Variants in PTPRM observed in about 807,000 individuals in gnomAD.
PTPRM encodes the protein protein tyrosine phosphatase receptor type M.
PTPRM carries 47 observed loss-of-function variants against 186.7 expected under a neutral mutation model. The ratio of observed to expected loss-of-function variants is 0.25; its 90% CI spans 0.20 to 0.32. The LOEUF (loss-of-function observed/expected upper bound fraction) is 0.32, where lower values mean the gene tolerates loss of function less well. Among genes scored for constraint, PTPRM ranks in the 10% least tolerant of loss-of-function variants. The probability of loss-of-function intolerance (pLI) is 1.00; values close to 1 mark genes in which losing one functional copy is unlikely to be tolerated. For missense variants in PTPRM, 1,494 were observed against 1,865.0 expected, an observed-to-expected ratio of 0.80 and a Z score of 3.66; for synonymous variants, 668 against 674.9, an observed-to-expected ratio of 0.99 and a Z score of 0.16.
rs7233324 is a variant in PTPRM at position 8,255,703 on chromosome 18, T to C, written c.2754+2289T>C. On this transcript the variant is annotated intron_variant, in intron 19 of 32. Transcript: ENST00000580170. The stretch of plus-strand genomic sequence containing the variant: ...ATCAGGAACAAATAGGAAGGAGATG[T>C]TGGGAGAAGTATGAAATGGGCAGTT... Among the ~76,000 whole-genome samples the C allele has an allele frequency of 8.5e-3, 1,288 of 152,164 alleles. 9 individuals carry two copies. Among genetic ancestry groups the C allele is most frequent in the Non-Finnish European group, 0.014 (952 of 67,998 alleles).
At chr18:7,925,621 T>C (rs988029930) in intron 4 of PTPRM, among the ~76,000 whole-genome samples, 2 of 152,120 alleles carry the variant, frequency 1.3e-5, no homozygotes, top group African/African-American at 4.8e-5. Context: ...ATTCTGGTTA[T>C]TATCCAGATT....
At chr18:8,173,858 C>T (rs755063209) in intron 14 of PTPRM, among the ~76,000 whole-genome samples, 1 of 152,174 alleles carries the variant, frequency 6.6e-6, no homozygotes, top group African/African-American at 2.4e-5. Flanking sequence ...CACTTGAGGT[C>T]AGGAGTTCAA....
chr18:7,916,353 T>C (rs1471009439), intron 4 of PTPRM, among the ~76,000 whole-genome samples: 1 of 152,272 alleles, frequency 6.6e-6, no homozygotes, highest in Non-Finnish European at 1.5e-5. Flanking sequence ...CATTATTTTT[T>C]TAACTCTTAT....
At chr18:7,773,407 T>C (rs1429275061) in intron 1 of PTPRM, among the ~76,000 whole-genome samples, 1 of 152,176 alleles carries the variant, frequency 6.6e-6, no homozygotes, top group African/African-American at 2.4e-5. Context: ...TTTCATTTTT[T>C]GGACAAATTA....
intron 1 of PTPRM, among the ~76,000 whole-genome samples, chr18:7,637,291 T>TA (rs1344715103): frequency 6.6e-6 from 1 of 151,892 alleles, no homozygotes; most frequent in Non-Finnish European, 1.5e-5. Context: ...GACATCACAA[T>TA]AAAATTTTGT....
chr18:8,111,530 G>T lies in PTPRM; in HGVS notation c.1857-1956G>T, dbSNP rs187344069. 2.8e-4 allele frequency among the ~76,000 whole-genome samples: 42 copies of T among 152,062 alleles called. 1 individual carries two copies. The East Asian group carries it at 8.0e-3, about 29-fold the overall frequency. ...TGGGAGGCTGGGGTGGGAGAATGGC[G>T]TGAACCCAGGAGGCAGAGCTTGCAG... is the stretch of plus-strand genomic sequence containing the variant. On this transcript the variant is annotated intron_variant, in intron 11 of 32. Coordinates refer to ENST00000580170, the MANE Select transcript of PTPRM (RefSeq NM_001105244.2).
chr18:7,998,506 GAC>G (rs2083675280), intron 7 of PTPRM, among the ~76,000 whole-genome samples: 1 of 152,022 alleles, frequency 6.6e-6, no homozygotes. Flanking sequence ...ATTAAAACAT[GAC>G]ACTATTAAAA....
chr18:8,121,501 G>T (rs1006865217), intron 13 of PTPRM, among the ~76,000 whole-genome samples: 1 of 152,112 alleles, frequency 6.6e-6, no homozygotes, highest in Non-Finnish European at 1.5e-5. Context: ...CTGCTGAGCT[G>T]TGCAGGCAAA....
rs529628416 is a variant in PTPRM, at chr18:7,900,834, C to A, written c.469-5671C>A. The stretch of plus-strand genomic sequence containing the variant: ...AGGATACCTGGGACATGGAAGTATA[C>A]AAATAAATAGTTTTTTTTGAATTAC... On this transcript the variant is annotated intron_variant, in intron 3 of 32. Coordinates refer to ENST00000580170, the MANE Select transcript of PTPRM (RefSeq NM_001105244.2). Among the ~76,000 whole-genome samples, 421 of 152,162 alleles carry A rather than the reference C, an allele frequency of 2.8e-3. 4 individuals carry two copies. The highest frequency in any genetic ancestry group is 9.6e-3 in the African/African-American group (400 of 41,540).
chr18:7,926,258 A>C (rs1599549378), intron 4 of PTPRM, among the ~76,000 whole-genome samples: 1 of 152,206 alleles, frequency 6.6e-6, no homozygotes, highest in East Asian at 1.9e-4. Context: ...TTATTAATAC[A>C]GATCTGTTAT....
chr18:7,715,213 C>A (rs959539277), intron 1 of PTPRM, among the ~76,000 whole-genome samples: 1 of 152,184 alleles, frequency 6.6e-6, no homozygotes, highest in African/African-American at 2.4e-5. Flanking sequence ...ATACACGAAT[C>A]AATAAACGTA....
chr18:8,163,777 T>C (rs1007834888), intron 14 of PTPRM, among the ~76,000 whole-genome samples: 26 of 152,336 alleles, frequency 1.7e-4, no homozygotes, highest in Admixed American at 1.0e-3. Context: ...ACATGCTCCA[T>C]TGATTTTCAA....
intron 7 of PTPRM, among the ~76,000 whole-genome samples, chr18:8,002,327 G>A (rs932531653): frequency 2.6e-5 from 4 of 152,210 alleles, no homozygotes; most frequent in Admixed American, 6.5e-5. Context: ...AAGACATTTG[G>A]GTAGTAGAGC....
intron 3 of PTPRM, among the ~76,000 whole-genome samples, chr18:7,894,132 G>A (rs969157972): frequency 6.6e-6 from 1 of 152,134 alleles, no homozygotes; most frequent in African/African-American, 2.4e-5. Context: ...CCGAGGAGAT[G>A]CCTGTTGTAG....
At chr18:7,691,740 C>A (rs1165057761) in intron 1 of PTPRM, among the ~76,000 whole-genome samples, 5 of 152,022 alleles carry the variant, frequency 3.3e-5, no homozygotes, top group Admixed American at 3.3e-4. Flanking sequence ...CATAGTGAGA[C>A]CCTGTTTCTG....
At chr18:7,992,055 A>T (rs991924834) in intron 7 of PTPRM, among the ~76,000 whole-genome samples, 3 of 152,196 alleles carry the variant, frequency 2.0e-5, no homozygotes, top group African/African-American at 7.2e-5. Context: ...CTGTGACTCC[A>T]TTAAGGAACA....
chr18:7,604,851 T>G (rs1173458807), intron 1 of PTPRM, among the ~76,000 whole-genome samples: 5 of 152,152 alleles, frequency 3.3e-5, no homozygotes, highest in Non-Finnish European at 7.3e-5. Context: ...TTCTTCTAAT[T>G]TAGTGTTGGA....
At chr18:7,820,452 C>A (rs1348924734) in intron 2 of PTPRM, among the ~76,000 whole-genome samples, 1 of 152,220 alleles carries the variant, frequency 6.6e-6, no homozygotes, top group South Asian at 2.1e-4. Context: ...CAAATCCATT[C>A]ACTTTACACA....
rs2148664610 is a variant in PTPRM at position 8,406,294 on chromosome 18, C to T, written c.*132C>T. 1.2e-6 allele frequency: 1 copy of T among 830,002 alleles called. No homozygotes were observed. Among genetic ancestry groups the T allele is most frequent in the Non-Finnish European group, 1.9e-6 (1 of 526,958 alleles). The allele number at this position is 830,002 out of a possible 1,614,324, so 51.4% of individuals were successfully genotyped here. ...TGCATAATTGGCTCTTTTTAAGAGCCCAAGAAAGTGTTTCTAAAATTGCTT... is the reference window on the plus strand; with the variant it reads ...TGCATAATTGGCTCTTTTTAAGAGCTCAAGAAAGTGTTTCTAAAATTGCTT... On this transcript the variant is annotated 3_prime_UTR_variant, in exon 33 of 33. Coordinates refer to ENST00000580170, the MANE Select transcript of PTPRM (RefSeq NM_001105244.2).
Sources: allele counts gnomAD v4.1 joint callset (sites outside exome capture counted in the v4.1 genomes callset), GRCh38; gene constraint gnomAD v4.1.1; transcripts MANE v1.5; gene names NCBI Gene and HGNC (gene_info 2026-07-23, HGNC 2026-07-21).